Variants in TEAD1 observed in about 807,000 individuals in gnomAD.
TEAD1 encodes the protein transcriptional enhancer factor TEF-1.
A neutral mutation model predicts 54.9 loss-of-function variants in TEAD1; 9 were observed. That is an observed-to-expected ratio of 0.16 (90% CI 0.10 to 0.29). TEAD1 has a LOEUF of 0.29. Among genes scored for constraint, TEAD1 ranks in the 10% least tolerant of loss-of-function variants. The pLI is 1.00. For missense variants in TEAD1, 387 were observed against 535.9 expected (o/e 0.72, Z 2.74); for synonymous variants, 200 against 187.8 (o/e 1.07, Z -0.53).
intron 3 of TEAD1, among the ~76,000 whole-genome samples, chr11:12,808,662 GTCT>G (rs1946228505): frequency 1.3e-5 from 2 of 152,138 alleles, no homozygotes; most frequent in African/African-American, 2.4e-5. Flanking sequence ...CACAAAGCCT[GTCT>G]TCTTTGAGAC....
intron 11 of TEAD1, among the ~76,000 whole-genome samples, chr11:12,929,204 G>GTGTGTGTGTGTGTGTGT (rs746048067): frequency 5.0e-5 from 7 of 139,134 alleles, no homozygotes; most frequent in African/African-American, 1.8e-4. Context: ...GTGTGTGTCT[G>GTGTGTGTGTGTGTGTGT]CTTTAGGGTT....
At chr11:12,880,634 C>T (rs1243687627) in intron 6 of TEAD1, among the ~76,000 whole-genome samples, 4 of 152,168 alleles carry the variant, frequency 2.6e-5, no homozygotes, top group Admixed American at 2.6e-4. Context: ...GCTGTTGACG[C>T]AGAATATTAT....
At chr11:12,899,845 CA>C (rs1948390230) in intron 9 of TEAD1, among the ~76,000 whole-genome samples, 1 of 152,104 alleles carries the variant, frequency 6.6e-6, no homozygotes, top group Non-Finnish European at 1.5e-5. Context: ...TGGCCCTCTC[CA>C]AAAGATACTG....
chr11:12,855,818 C>T (rs932412159), intron 3 of TEAD1, among the ~76,000 whole-genome samples: 1 of 151,752 alleles, frequency 6.6e-6, no homozygotes, highest in Non-Finnish European at 1.5e-5. Context: ...GTGTGGTGTA[C>T]CTGCCTGTGG....
chr11:12,833,682 A>T (rs547924352), intron 3 of TEAD1, among the ~76,000 whole-genome samples: 32 of 152,086 alleles, frequency 2.1e-4, no homozygotes, highest in African/African-American at 7.7e-4. Context: ...ATATATAACA[A>T]TTTTCACAAA....
At chr11:12,706,625 A>G (rs1943820954) in intron 2 of TEAD1, among the ~76,000 whole-genome samples, 1 of 152,216 alleles carries the variant, frequency 6.6e-6, no homozygotes, top group Non-Finnish European at 1.5e-5. Context: ...TTTCTAGCTA[A>G]CAGTGGAGCT....
intron 1 of TEAD1, among the ~76,000 whole-genome samples, chr11:12,675,075 G>C (rs928250646): frequency 2.0e-5 from 3 of 146,664 alleles, no homozygotes; most frequent in Non-Finnish European, 3.0e-5. Context: ...CGCGCGCTGG[G>C]AGCCCGCGCG....
intron 3 of TEAD1, among the ~76,000 whole-genome samples, chr11:12,802,740 G>T (rs1441617694): frequency 6.6e-6 from 1 of 152,214 alleles, no homozygotes; most frequent in Non-Finnish European, 1.5e-5. Flanking sequence ...TATGAGCGAT[G>T]TGCCGATTGC....
intron 10 of TEAD1, among the ~76,000 whole-genome samples, chr11:12,916,416 G>A (rs1948713318): frequency 1.3e-5 from 2 of 152,170 alleles, no homozygotes; most frequent in South Asian, 2.1e-4. Flanking sequence ...GAGGAAAGGT[G>A]TCAGTGTCTC....
intron 2 of TEAD1, among the ~76,000 whole-genome samples, chr11:12,739,368 A>G (rs775499476): frequency 1.1e-4 from 16 of 152,198 alleles, no homozygotes; most frequent in South Asian, 2.1e-4. Flanking sequence ...TTGTTTTGCT[A>G]TCGTCACCAC....
rs1415502914 is a variant in TEAD1, at chr11:12,939,161, A to C, written c.*1939A>C. The stretch of plus-strand genomic sequence containing the variant: ...CATTTGGAATGCCCATTCCTTCTAG[A>C]AACCAGTTGGACAGTGCTCCTCTGC... On this transcript the variant is annotated 3_prime_UTR_variant, in exon 13 of 13. Coordinates refer to ENST00000527636, the MANE Select transcript of TEAD1 (RefSeq NM_021961.6). 6.6e-6 allele frequency: 1 copy of C among 152,210 alleles called. No individual in the cohort carries two copies. The highest frequency in any genetic ancestry group is 6.5e-5 in the Admixed American group (1 of 15,280). The allele number at this position is 152,210 out of a possible 1,614,324, so 9.4% of individuals were successfully genotyped here.
At chr11:12,692,631 AG>A (rs1173289541) in intron 2 of TEAD1, among the ~76,000 whole-genome samples, 2 of 152,158 alleles carry the variant, frequency 1.3e-5, no homozygotes. Flanking sequence ...CACTGAGAGT[AG>A]GGGGAAGAGC....
chr11:12,854,444 A>T (rs1159294920), intron 3 of TEAD1, among the ~76,000 whole-genome samples: 1 of 152,186 alleles, frequency 6.6e-6, no homozygotes, highest in Admixed American at 6.5e-5. Context: ...TCATTCAGAT[A>T]AATGGAACAC....
intron 3 of TEAD1, among the ~76,000 whole-genome samples, chr11:12,832,293 C>T (rs1946799415): frequency 6.6e-6 from 1 of 152,088 alleles, no homozygotes; most frequent in Non-Finnish European, 1.5e-5. Flanking sequence ...TTGTCAGAGA[C>T]GGTTGTTCAG....
intron 3 of TEAD1, among the ~76,000 whole-genome samples, chr11:12,838,282 A>G (rs772525830): frequency 6.6e-6 from 1 of 152,172 alleles, no homozygotes; most frequent in African/African-American, 2.4e-5. Context: ...GGAGCACTGT[A>G]TTGTCCTTGG....
At chr11:12,835,673 T>C (rs1005504274) in intron 3 of TEAD1, among the ~76,000 whole-genome samples, 5 of 152,106 alleles carry the variant, frequency 3.3e-5, no homozygotes, top group African/African-American at 1.2e-4. Flanking sequence ...AGTTTCTTTC[T>C]AACATATGGC....
intron 9 of TEAD1, among the ~76,000 whole-genome samples, chr11:12,899,555 T>TACCCTTATAATCTCACCTCTTCCC (rs1396724143): frequency 6.6e-6 from 1 of 152,192 alleles, no homozygotes; most frequent in Non-Finnish European, 1.5e-5. Flanking sequence ...TGTTCCCTCC[T>TACCCTTATAATCTCACCTCTTCCC]ACCCTTATAA....
intron 2 of TEAD1, among the ~76,000 whole-genome samples, chr11:12,714,205 C>G (rs1014326786): frequency 2.6e-5 from 4 of 152,126 alleles, no homozygotes. Context: ...CAGTCACATC[C>G]AGGGCTGCTC....
At chr11:12,933,954 C>G (rs893451181) in intron 12 of TEAD1, among the ~76,000 whole-genome samples, 5 of 152,030 alleles carry the variant, frequency 3.3e-5, no homozygotes, top group Non-Finnish European at 7.4e-5. Context: ...TAAACTAGTT[C>G]CAACCATTGT....
Sources: gnomAD v4.1 joint callset for allele counts (sites outside exome capture counted in the v4.1 genomes callset) on GRCh38, gnomAD v4.1.1 for gene constraint, MANE v1.5 for transcripts, NCBI Gene and HGNC (gene_info 2026-07-23, HGNC 2026-07-21) for gene names.